PTPRD: variants seen among roughly 807,000 people sequenced by gnomAD.
PTPRD encodes protein tyrosine phosphatase receptor type D.
A neutral mutation model predicts 214.5 loss-of-function variants in PTPRD; 34 were observed. The observed-to-expected ratio is 0.16, with a 90% CI of 0.12 to 0.21. The LOEUF (loss-of-function observed/expected upper bound fraction) is 0.21, where lower values mean the gene tolerates loss of function less well. PTPRD is among the 10% of genes least tolerant of loss of function. The pLI is 1.00. For synonymous variants in PTPRD, 1,128 were observed against 845.7 expected (o/e 1.33, Z -5.79); for missense variants, 2,545 against 2,398.7 (o/e 1.06, Z -1.27).
At chr9:8,795,139 C>A (rs1417323994) in intron 11 of PTPRD, among the ~76,000 whole-genome samples, 1 of 152,026 alleles carries the variant, frequency 6.6e-6, no homozygotes, top group Non-Finnish European at 1.5e-5. Flanking sequence ...TTAGTATCAT[C>A]CACCCCTATG....
At chr9:10,100,673 C>G (rs992177244) in intron 3 of PTPRD, among the ~76,000 whole-genome samples, 5 of 151,372 alleles carry the variant, frequency 3.3e-5, no homozygotes, top group Non-Finnish European at 4.4e-5. Flanking sequence ...CAAATATATA[C>G]ATGTTGGAGC....
In PTPRD at chr9:8,776,805, T is replaced by A. The variant is rs573760778; in HGVS notation, c.-103-42859A>T. Among the ~76,000 whole-genome samples, 783 of 147,470 alleles carry A rather than the reference T, an allele frequency of 5.3e-3. 9 individuals are homozygous for A. The highest frequency in any genetic ancestry group is 0.019 in the African/African-American group (757 of 40,596). ...AAAAATATGTATTATATATATATTA[T>A]ATATGTATAATATATAAATATATAA... On this transcript the variant is annotated intron_variant, in intron 11 of 45. Transcript: ENST00000381196.
chr9:9,943,788 A>G (rs2092076420), intron 4 of PTPRD, among the ~76,000 whole-genome samples: 1 of 152,130 alleles, frequency 6.6e-6, no homozygotes, highest in Non-Finnish European at 1.5e-5. Context: ...TGGTAAGTAC[A>G]GTAGACAACT....
At chr9:8,899,230 C>T (rs750072851) in intron 11 of PTPRD, among the ~76,000 whole-genome samples, 15 of 152,164 alleles carry the variant, frequency 9.9e-5, no homozygotes, top group Non-Finnish European at 1.8e-4. Flanking sequence ...CATTTCTGAA[C>T]CTGGGTCCCT....
At chr9:8,640,553 CAAAAAAACAAAAAAA>C (rs1377798246) in intron 12 of PTPRD, among the ~76,000 whole-genome samples, 5 of 77,870 alleles carry the variant, frequency 6.4e-5, no homozygotes, top group Admixed American at 1.3e-4. Context: ...TCTTAAAAAA[CAAAAAAACAAAAAAA>C]AAAAAAACAA....
At chr9:8,364,868 AATG>A (rs2079413525) in intron 39 of PTPRD, among the ~76,000 whole-genome samples, 1 of 152,134 alleles carries the variant, frequency 6.6e-6, no homozygotes, top group Non-Finnish European at 1.5e-5. Context: ...AATTGGGTCT[AATG>A]TGTCAAAATT....
At chr9:9,980,254 T>C (rs1781600962) in intron 4 of PTPRD, among the ~76,000 whole-genome samples, 1 of 152,104 alleles carries the variant, frequency 6.6e-6, no homozygotes, top group Non-Finnish European at 1.5e-5. Flanking sequence ...TGATTTTTAA[T>C]ATATAAATCA....
chr9:8,849,518 G>A (rs1002638080), intron 11 of PTPRD, among the ~76,000 whole-genome samples: 9 of 152,232 alleles, frequency 5.9e-5, no homozygotes, highest in East Asian at 3.9e-4. Flanking sequence ...GAGCCACCGC[G>A]CCTGGTCCAT....
At chr9:9,156,821 A>C (rs572065875) in intron 10 of PTPRD, among the ~76,000 whole-genome samples, 1 of 152,176 alleles carries the variant, frequency 6.6e-6, no homozygotes, top group African/African-American at 2.4e-5. Flanking sequence ...TTTTTGATCA[A>C]TTTGGCTGGT....
chr9:9,352,322 T>C (rs950965255), intron 9 of PTPRD, among the ~76,000 whole-genome samples: 4 of 109,598 alleles, frequency 3.6e-5, no homozygotes, highest in African/African-American at 1.1e-4. Flanking sequence ...TATATATATA[T>C]ATATATGTGT....
chr9:9,366,833 C>T (rs1181771894), intron 9 of PTPRD, among the ~76,000 whole-genome samples: 1 of 150,722 alleles, frequency 6.6e-6, no homozygotes, highest in Non-Finnish European at 1.5e-5. Context: ...GAGCTAAATA[C>T]ATTAAGGTAA....
chr9:9,531,858 T>C (rs1439772575), intron 8 of PTPRD, among the ~76,000 whole-genome samples: 2 of 152,108 alleles, frequency 1.3e-5, no homozygotes, highest in Admixed American at 6.6e-5. Flanking sequence ...GTTGTATTGA[T>C]AGTATGGCTG....
intron 2 of PTPRD, among the ~76,000 whole-genome samples, chr9:10,411,033 C>T (rs1366593741): frequency 6.6e-6 from 1 of 151,740 alleles, no homozygotes; most frequent in Non-Finnish European, 1.5e-5. Context: ...AGTACGGAGC[C>T]TGGCACATGC....
At chr9:8,840,397 C>T (rs1040512893) in intron 11 of PTPRD, among the ~76,000 whole-genome samples, 1 of 152,210 alleles carries the variant, frequency 6.6e-6, no homozygotes, top group African/African-American at 2.4e-5. Context: ...TAAGAAGTAG[C>T]TTGCTCCTCC....
chr9:8,830,949 A>G (rs1359220530), intron 11 of PTPRD, among the ~76,000 whole-genome samples: 1 of 152,172 alleles, frequency 6.6e-6, no homozygotes, highest in East Asian at 1.9e-4. Flanking sequence ...ATTTAGTATG[A>G]AGTTTATATT....
Position 8,780,173 on chromosome 9 carries a change from T to C in PTPRD, c.-103-46227A>G, listed in dbSNP as rs974076214. ...CTCTAAATTCACCAGATCATAATTA[T>C]TGACACAAAATTATAAAGTATAATA... On this transcript the variant is annotated intron_variant, in intron 11 of 45. Coordinates refer to ENST00000381196, the MANE Select transcript of PTPRD (RefSeq NM_002839.4). Among the ~76,000 whole-genome samples the C allele has an allele frequency of 5.9e-5, 9 of 152,180 alleles. No individual in the cohort carries two copies. The East Asian group carries it at 1.7e-3, about 29-fold the overall frequency.
intron 8 of PTPRD, among the ~76,000 whole-genome samples, chr9:9,479,731 A>AAAAGC (rs1555458776): frequency 6.7e-6 from 1 of 150,004 alleles, no homozygotes; most frequent in Non-Finnish European, 1.5e-5. Flanking sequence ...CAGCAAAAAC[A>AAAAGC]AAAACAAAAC....
chr9:9,641,868 A>T (rs1029527734), intron 7 of PTPRD, among the ~76,000 whole-genome samples: 2 of 152,158 alleles, frequency 1.3e-5, no homozygotes, highest in Non-Finnish European at 2.9e-5. Flanking sequence ...ATTTAGATTA[A>T]GTAAGTTTAC....
chr9:9,662,227 A>G (rs2096635204), intron 7 of PTPRD, among the ~76,000 whole-genome samples: 1 of 151,690 alleles, frequency 6.6e-6, no homozygotes. Context: ...AGAACCTGCT[A>G]CTATAAAGTA....
Sources: allele counts gnomAD v4.1 joint callset (sites outside exome capture counted in the v4.1 genomes callset), GRCh38; gene constraint gnomAD v4.1.1; transcripts MANE v1.5; gene names NCBI Gene and HGNC (gene_info 2026-07-23, HGNC 2026-07-21).